Variants in CAMKMT observed in about 807,000 individuals in gnomAD.
CAMKMT encodes the protein CaM KMT.
A neutral mutation model predicts 48.0 loss-of-function variants in CAMKMT; 53 were observed. The ratio of observed to expected loss-of-function variants is 1.10; its 90% CI spans 0.89 to 1.39. The LOEUF (loss-of-function observed/expected upper bound fraction) is 1.39. Ranked by LOEUF, CAMKMT falls within the 40% of genes most tolerant of loss-of-function variation. The pLI is 0.00. For synonymous variants in CAMKMT, 165 were observed against 152.3 expected, an observed-to-expected ratio of 1.08 and a Z score of -0.61; for missense variants, 428 against 402.7, an observed-to-expected ratio of 1.06 and a Z score of -0.54.
At chr2:44,469,748 C>T (rs985650211) in intron 3 of CAMKMT, among the ~76,000 whole-genome samples, 2 of 151,994 alleles carry the variant, frequency 1.3e-5, no homozygotes, top group African/African-American at 4.8e-5. Context: ...GCATCTGTCT[C>T]CTCACATTTT....
Position 44,711,746 on chromosome 2 carries a change from C to T in CAMKMT, c.557-3541C>T, listed in dbSNP as rs185180153. Among the ~76,000 whole-genome samples the T allele has an allele frequency of 7.2e-5, 11 of 152,312 alleles. No homozygotes were observed. In the East Asian group the frequency reaches 7.7e-4, roughly 11 times the overall value. ...ATTATACACTAAGATAATGAATTGA[C>T]GTGAATTGGGCACCTACTGTGTGCC... On this transcript the variant is annotated intron_variant, in intron 6 of 10. Transcript: ENST00000378494.
intron 3 of CAMKMT, among the ~76,000 whole-genome samples, chr2:44,533,739 C>G (rs1666611938): frequency 6.6e-6 from 1 of 151,970 alleles, no homozygotes. Context: ...AGCAAACACA[C>G]AAATGAGGAA....
At chr2:44,440,604 A>G (rs1055387234) in intron 3 of CAMKMT, among the ~76,000 whole-genome samples, 1 of 151,444 alleles carries the variant, frequency 6.6e-6, no homozygotes, top group Non-Finnish European at 1.5e-5. Flanking sequence ...TTAAATCAAA[A>G]TTTCAGCTCC....
At chr2:44,696,441 A>G (rs919318312) in intron 3 of CAMKMT, among the ~76,000 whole-genome samples, 3 of 152,180 alleles carry the variant, frequency 2.0e-5, no homozygotes, top group Non-Finnish European at 4.4e-5. Context: ...GGATGAAACT[A>G]AGGAGAATTG....
chr2:44,457,283 T>C (rs1276301095), intron 3 of CAMKMT: 1 of 152,190 alleles, frequency 6.6e-6, no homozygotes, highest in African/African-American at 2.4e-5. Flanking sequence ...GATGACTCTT[T>C]TGTTTTTTGG....
chr2:44,511,357 C>T lies in CAMKMT; in HGVS notation c.376+121052C>T, dbSNP rs568965220. 5.3e-5 allele frequency among the ~76,000 whole-genome samples: 8 copies of T among 152,244 alleles called. No individual in the cohort carries two copies. The South Asian group carries it at 8.3e-4, about 16-fold the overall frequency. On this transcript the variant is annotated intron_variant, in intron 3 of 10. Transcript: ENST00000378494. Reference sequence around the variant, plus strand: ...AGGCTGGCGTACAATGGCGCCATCTCGGCTCACTGCAACCTCCGCCTACTA... The same window carrying T: ...AGGCTGGCGTACAATGGCGCCATCTTGGCTCACTGCAACCTCCGCCTACTA...
At chr2:44,489,321 C>CTA (rs1283928879) in intron 3 of CAMKMT, among the ~76,000 whole-genome samples, 2 of 148,400 alleles carry the variant, frequency 1.3e-5, no homozygotes, top group African/African-American at 5.0e-5. Context: ...TCTTGGCTCA[C>CTA]TGCAATCTCT....
intron 3 of CAMKMT, among the ~76,000 whole-genome samples, chr2:44,598,736 T>C (rs146601269): frequency 4.3e-5 from 2 of 46,166 alleles, no homozygotes; most frequent in East Asian, 3.1e-4. Context: ...AGCAACTTAC[T>C]TGTTAAAGGC....
chr2:44,748,003 T>C (rs1034081274), intron 8 of CAMKMT, among the ~76,000 whole-genome samples: 12 of 152,200 alleles, frequency 7.9e-5, no homozygotes, highest in African/African-American at 2.9e-4. Flanking sequence ...ACTCAGCCTT[T>C]TTTAATAGAT....
intron 3 of CAMKMT, among the ~76,000 whole-genome samples, chr2:44,464,399 G>T (rs1668004953): frequency 6.6e-6 from 1 of 152,202 alleles, no homozygotes; most frequent in Non-Finnish European, 1.5e-5. Flanking sequence ...AAGGAGAAGA[G>T]AGAATAGGAC....
chr2:44,408,956 G>A (rs150758465), intron 3 of CAMKMT, among the ~76,000 whole-genome samples: 4,942 of 151,336 alleles, frequency 0.033, 115 homozygotes, highest in Non-Finnish European at 0.048. Flanking sequence ...TGCCCAGGCT[G>A]GTCTTGAACT....
intron 3 of CAMKMT, among the ~76,000 whole-genome samples, chr2:44,451,926 AC>A (rs1558626265): frequency 6.6e-6 from 1 of 151,940 alleles, no homozygotes; most frequent in Non-Finnish European, 1.5e-5. Context: ...TTGAAAAAAA[AC>A]CTAGATATTT....
chr2:44,745,531 G>A (rs1679881289), intron 8 of CAMKMT, among the ~76,000 whole-genome samples: 1 of 152,054 alleles, frequency 6.6e-6, no homozygotes, highest in Non-Finnish European at 1.5e-5. Flanking sequence ...AATATTATAT[G>A]TATACACACA....
intron 3 of CAMKMT, among the ~76,000 whole-genome samples, chr2:44,483,203 A>G (rs935752748): frequency 1.3e-5 from 2 of 152,188 alleles, no homozygotes; most frequent in Non-Finnish European, 2.9e-5. Flanking sequence ...TGTGGGGAGA[A>G]TAAAGCTGAA....
At chr2:44,524,239 G>A (rs1217006082) in intron 3 of CAMKMT, among the ~76,000 whole-genome samples, 1 of 151,984 alleles carries the variant, frequency 6.6e-6, no homozygotes, top group East Asian at 1.9e-4. Flanking sequence ...AAAAAATTGG[G>A]GGCTCATGTT....
At chr2:44,525,882 A>G (rs1423796208) in intron 3 of CAMKMT, among the ~76,000 whole-genome samples, 1 of 149,844 alleles carries the variant, frequency 6.7e-6, no homozygotes, top group Non-Finnish European at 1.5e-5. Context: ...TTATACTTTA[A>G]GTTTTAGGGT....
At chr2:44,643,856 G>A (rs1673583082) in intron 3 of CAMKMT, among the ~76,000 whole-genome samples, 1 of 152,116 alleles carries the variant, frequency 6.6e-6, no homozygotes, top group South Asian at 2.1e-4. Flanking sequence ...TTTTTATAGT[G>A]TGTCGATATG....
chr2:44,475,601 C>T (rs1194164676), intron 3 of CAMKMT, among the ~76,000 whole-genome samples: 1 of 152,122 alleles, frequency 6.6e-6, no homozygotes, highest in Non-Finnish European at 1.5e-5. Flanking sequence ...AGGCATGAGC[C>T]ACCGCGCCTG....
intron 3 of CAMKMT, among the ~76,000 whole-genome samples, chr2:44,498,004 T>C (rs1272201844): frequency 1.3e-5 from 2 of 152,124 alleles, no homozygotes; most frequent in Admixed American, 1.3e-4. Context: ...GGAGATAGTC[T>C]GAAATAAAGA....
Sources: allele counts gnomAD v4.1 joint callset (sites outside exome capture counted in the v4.1 genomes callset), GRCh38; gene constraint gnomAD v4.1.1; transcripts MANE v1.5; gene names NCBI Gene and HGNC (gene_info 2026-07-23, HGNC 2026-07-21).